PDE4B: variants seen among roughly 807,000 people sequenced by gnomAD.
PDE4B encodes the protein phosphodiesterase 4B, also known as 3',5'-cyclic-AMP phosphodiesterase 4B.
A neutral mutation model predicts 82.2 loss-of-function variants in PDE4B; 20 were observed. The ratio of observed to expected loss-of-function variants is 0.24; its 90% CI spans 0.17 to 0.35. The LOEUF (loss-of-function observed/expected upper bound fraction) is 0.35. PDE4B is among the 10% of genes least tolerant of loss of function. PDE4B has a pLI of 1.00. For synonymous variants in PDE4B, 320 were observed against 318.9 expected, an observed-to-expected ratio of 1.00 and a Z score of -0.04; for missense variants, 655 against 907.2, an observed-to-expected ratio of 0.72 and a Z score of 3.57.
At chr1:66,129,324 G>T (rs185247785) in intron 3 of PDE4B, among the ~76,000 whole-genome samples, 70 of 152,290 alleles carry the variant, frequency 4.6e-4, no homozygotes, top group Non-Finnish European at 7.5e-4. Context: ...AGAAGTCATA[G>T]CTCTGCCCCT....
chr1:66,130,649 G>A (rs1266732873), intron 3 of PDE4B, among the ~76,000 whole-genome samples: 2 of 152,142 alleles, frequency 1.3e-5, no homozygotes, highest in African/African-American at 4.8e-5. Context: ...CCTGGGGGCA[G>A]CCTGCATCCC....
chr1:66,363,357 C>T (rs761732525), intron 11 of PDE4B, 50 bp from the exon 12 acceptor site: 14 of 1,560,146 alleles, frequency 9.0e-6, no homozygotes, highest in South Asian at 4.6e-5. Flanking sequence ...TAACTTTCCT[C>T]GACTTTTGGA....
chr1:66,175,481 T>C (rs1051125122), intron 3 of PDE4B, among the ~76,000 whole-genome samples: 2 of 152,234 alleles, frequency 1.3e-5, no homozygotes, highest in Non-Finnish European at 2.9e-5. Flanking sequence ...ATAGTAACAC[T>C]TGGACAAATC....
chr1:65,851,474 A>G (rs1272618649), intron 1 of PDE4B, among the ~76,000 whole-genome samples: 2 of 151,980 alleles, frequency 1.3e-5, no homozygotes, highest in East Asian at 1.9e-4. Flanking sequence ...TGAACATTGT[A>G]TGTTTCTCTA....
intron 7 of PDE4B, 71 bp from the exon 8 acceptor site, chr1:66,332,437 T>C: frequency 6.2e-7 from 1 of 1,614,098 alleles, no homozygotes; most frequent in Non-Finnish European, 8.5e-7. Context: ...TCAGCGGTGG[T>C]AGCGGTGACT....
At chr1:65,930,363 A>G (rs1647763419) in intron 3 of PDE4B, among the ~76,000 whole-genome samples, 1 of 152,238 alleles carries the variant, frequency 6.6e-6, no homozygotes, top group Non-Finnish European at 1.5e-5. Flanking sequence ...GACACTCAGT[A>G]TTAACCATCA....
intron 3 of PDE4B, among the ~76,000 whole-genome samples, chr1:66,153,982 T>C (rs1646453362): frequency 6.6e-6 from 1 of 152,218 alleles, no homozygotes; most frequent in African/African-American, 2.4e-5. Context: ...ATCCTATCTC[T>C]AAATGCACCT....
chr1:65,832,929 G>A (rs904893436), intron 1 of PDE4B, among the ~76,000 whole-genome samples: 1 of 152,166 alleles, frequency 6.6e-6, no homozygotes, highest in African/African-American at 2.4e-5. Context: ...AATATTTTGA[G>A]TTCTACTCTT....
chr1:66,291,210 G>A (rs141381490), intron 7 of PDE4B, among the ~76,000 whole-genome samples: 25 of 152,128 alleles, frequency 1.6e-4, no homozygotes, highest in Non-Finnish European at 4.4e-5. Context: ...AAACAAACCA[G>A]TGAGATAGGA....
intron 1 of PDE4B, among the ~76,000 whole-genome samples, chr1:65,899,823 T>G (rs948126874): frequency 3.3e-5 from 5 of 151,892 alleles, no homozygotes; most frequent in Non-Finnish European, 5.9e-5. Flanking sequence ...AAGCGGGAGC[T>G]AAGCTATGAG....
At chr1:66,340,776 T>G (rs1468161205) in intron 8 of PDE4B, among the ~76,000 whole-genome samples, 1 of 152,060 alleles carries the variant, frequency 6.6e-6, no homozygotes, top group Non-Finnish European at 1.5e-5. Flanking sequence ...GGACAAGAGG[T>G]GTTGGCATTT....
intron 3 of PDE4B, among the ~76,000 whole-genome samples, chr1:66,043,423 A>T (rs1318312247): frequency 6.6e-6 from 1 of 151,752 alleles, no homozygotes; most frequent in Admixed American, 6.6e-5. Context: ...CCTCTTTTAA[A>T]GCAGTGCAGA....
intron 3 of PDE4B, among the ~76,000 whole-genome samples, chr1:66,007,500 G>C (rs1463679939): frequency 6.6e-6 from 1 of 152,026 alleles, no homozygotes; most frequent in Non-Finnish European, 1.5e-5. Flanking sequence ...AAAATACAAT[G>C]CTCTCCCACT....
intron 1 of PDE4B, among the ~76,000 whole-genome samples, chr1:65,825,212 A>T (rs184749915): frequency 6.6e-6 from 1 of 152,162 alleles, no homozygotes; most frequent in Non-Finnish European, 1.5e-5. Flanking sequence ...GGTCATTGAC[A>T]TTGCTCTTCC....
chr1:65,908,717 G>A (rs942705143), intron 1 of PDE4B, among the ~76,000 whole-genome samples: 3 of 152,064 alleles, frequency 2.0e-5, no homozygotes, highest in African/African-American at 7.2e-5. Flanking sequence ...GTGTGCCAGT[G>A]GGGGTGGAAC....
chr1:66,095,660 C>T (rs1570218980), intron 3 of PDE4B, among the ~76,000 whole-genome samples: 1 of 151,894 alleles, frequency 6.6e-6, no homozygotes, highest in East Asian at 1.9e-4. Flanking sequence ...TGCTAGTTCT[C>T]TATGATATAT....
chr1:66,314,073 C>T (rs113785060), intron 7 of PDE4B, among the ~76,000 whole-genome samples: 8 of 152,252 alleles, frequency 5.3e-5, no homozygotes, highest in Admixed American at 6.5e-5. Context: ...TTTGGAAACT[C>T]GTCTCTCCAG....
At chr1:65,819,694 T>G (rs967937191) in intron 1 of PDE4B, among the ~76,000 whole-genome samples, 33 of 151,924 alleles carry the variant, frequency 2.2e-4, no homozygotes, top group Non-Finnish European at 4.1e-4. Context: ...AGAGACGGGG[T>G]TTCACCGTGT....
chr1:66,275,141 A>G (rs1655788788), intron 7 of PDE4B, among the ~76,000 whole-genome samples: 1 of 152,240 alleles, frequency 6.6e-6, no homozygotes, highest in Non-Finnish European at 1.5e-5. Flanking sequence ...AAGATTGTCA[A>G]ATTACTTAGG....
Sources: allele counts gnomAD v4.1 joint callset (sites outside exome capture counted in the v4.1 genomes callset), GRCh38; gene constraint gnomAD v4.1.1; transcripts MANE v1.5; gene names NCBI Gene and HGNC (gene_info 2026-07-23, HGNC 2026-07-21).